The following SFRP1 variants were observed in gnomAD, a reference collection of about 807,000 sequenced individuals.
SFRP1 encodes the protein secreted frizzled related protein 1.
SFRP1 carries 9 observed loss-of-function variants against 25.9 expected under a neutral mutation model. The ratio of observed to expected loss-of-function variants is 0.35; its 90% CI spans 0.21 to 0.61. The LOEUF is 0.61. SFRP1 is among the 20% of genes least tolerant of loss of function. The probability of loss-of-function intolerance (pLI) is 0.78; values close to 1 mark genes in which losing one functional copy is unlikely to be tolerated. For synonymous variants in SFRP1, 178 were observed against 174.0 expected, an observed-to-expected ratio of 1.02 and a Z score of -0.18; for missense variants, 346 against 418.2, an observed-to-expected ratio of 0.83 and a Z score of 1.51.
chr8:41,267,672 C>T (rs1803453901), intron 2 of SFRP1, among the ~76,000 whole-genome samples: 1 of 152,214 alleles, frequency 6.6e-6, no homozygotes, highest in Admixed American at 6.5e-5. Context: ...ATTCTAACAA[C>T]TCCAGGAGGA....
chr8:41,296,506 GA>G (rs33933653), intron 2 of SFRP1, among the ~76,000 whole-genome samples: 1,964 of 125,406 alleles, frequency 0.016, 16 homozygotes, highest in African/African-American at 0.027. Context: ...TGTTCTTCTG[GA>G]AAAAAAAAAA....
intron 2 of SFRP1, among the ~76,000 whole-genome samples, chr8:41,280,126 T>C (rs2117492386): frequency 6.6e-6 from 1 of 152,312 alleles, no homozygotes; most frequent in Non-Finnish European, 1.5e-5. Context: ...AGCGCTGGGC[T>C]TCCCTCCCAA....
At chr8:41,283,236 C>G (rs889927869) in intron 2 of SFRP1, among the ~76,000 whole-genome samples, 6 of 152,112 alleles carry the variant, frequency 3.9e-5, no homozygotes, top group Non-Finnish European at 7.4e-5. Flanking sequence ...AGAATTAGAC[C>G]ACCAGGTAGG....
intron 2 of SFRP1, among the ~76,000 whole-genome samples, chr8:41,276,411 T>C (rs1803572833): frequency 6.6e-6 from 1 of 152,318 alleles, no homozygotes; most frequent in African/African-American, 2.4e-5. Context: ...GAGCTGGCTT[T>C]GCGGCACTAG....
chr8:41,287,160 G>A (rs1369629184), intron 2 of SFRP1, among the ~76,000 whole-genome samples: 1 of 152,176 alleles, frequency 6.6e-6, no homozygotes, highest in East Asian at 1.9e-4. Flanking sequence ...GCACAGCCTT[G>A]GCCCTCACAT....
At chr8:41,289,958 C>G (rs1046278777) in intron 2 of SFRP1, among the ~76,000 whole-genome samples, 1 of 152,380 alleles carries the variant, frequency 6.6e-6, no homozygotes, top group Non-Finnish European at 1.5e-5. Context: ...GACCAAGTCC[C>G]TGGGAAGCCC....
intron 2 of SFRP1, among the ~76,000 whole-genome samples, chr8:41,272,586 G>C (rs1429925418): frequency 6.6e-6 from 1 of 152,196 alleles, no homozygotes; most frequent in Non-Finnish European, 1.5e-5. Flanking sequence ...TCCAGCCTAG[G>C]TGACAGAGCC....
intron 2 of SFRP1, chr8:41,276,815 C>G (rs1451575466): frequency 5.3e-6 from 2 of 378,192 alleles, no homozygotes; most frequent in African/African-American, 2.1e-5. Flanking sequence ...TTTTCTGGAC[C>G]CCAGACACCT....
chr8:41,280,066 C>T (rs1015395519), intron 2 of SFRP1, among the ~76,000 whole-genome samples: 5 of 152,244 alleles, frequency 3.3e-5, no homozygotes, highest in African/African-American at 9.6e-5. Context: ...GCACGAGGTC[C>T]AGTCTGAGCC....
In SFRP1 at chr8:41,264,982, C is replaced by A; in HGVS notation, c.*185G>T. ...CCTTGCTTTACCCGGCCATGGCTAC[C>A]CTGGGGTTTGGAGCGTGGCTATGGA... is the stretch of plus-strand genomic sequence containing the variant. On this transcript the variant is annotated 3_prime_UTR_variant, in exon 3 of 3. Transcript: ENST00000220772. The A allele has an allele frequency of 3.5e-6, 2 of 576,766 alleles. No homozygotes were observed. Among genetic ancestry groups the A allele is most frequent in the South Asian group, 4.7e-5 (2 of 42,420 alleles). 35.7% of individuals were successfully genotyped at this position (576,766 alleles called of 1,614,324 possible).
At chr8:41,300,128 G>A (rs1349306424) in intron 2 of SFRP1, among the ~76,000 whole-genome samples, 2 of 152,226 alleles carry the variant, frequency 1.3e-5, no homozygotes, top group Non-Finnish European at 2.9e-5. Context: ...GCACAGCCAA[G>A]ACATCCTGAA....
At position 41,308,838 on chromosome 8, in the gene SFRP1, C is replaced by G. The variant is rs1804032257; in HGVS notation, c.322G>C (p.Gly108Arg). 1.9e-6 allele frequency: 3 copies of G among 1,610,014 alleles called. No homozygotes were observed. Among genetic ancestry groups the G allele is most frequent in the Non-Finnish European group, 2.5e-6 (3 of 1,179,328 alleles). The change falls in exon 1 of 3, where the codon GGC becomes CGC. Residue 108 changes from glycine (G) to arginine (R), a missense_variant. By Grantham distance (125) the Gly-to-Arg change is moderately radical (BLOSUM62 -2). Transcript: ENST00000220772. ...VPLLNKNCHAGTQVFLCSLFA... is the reference protein window; with the variant it reads ...VPLLNKNCHARTQVFLCSLFA... The stretch of plus-strand genomic sequence containing the variant: ...AGCGAGCAGAGGAAGACCTGGGTGC[C>G]GGCGTGGCAGTTCTTGTTGAGCAGG...
rs994604115 is a variant in SFRP1, at chr8:41,263,369, A to G, written c.*1798T>C. ...GAGAGAACCCCACAAAAAAGGTGTTAAAAGGACAGGATCACTAACTGTGAG... is the reference window on the plus strand; with the variant it reads ...GAGAGAACCCCACAAAAAAGGTGTTGAAAGGACAGGATCACTAACTGTGAG... On this transcript the variant is annotated 3_prime_UTR_variant, in exon 3 of 3. Transcript: ENST00000220772. 6 of 152,344 alleles carry G rather than the reference A, an allele frequency of 3.9e-5. No individual in the cohort carries two copies. The highest frequency in any genetic ancestry group is 7.2e-5 in the African/African-American group (3 of 41,456). 9.4% of individuals were successfully genotyped at this position (152,344 alleles called of 1,614,324 possible). A position where few individuals can be genotyped will look rare whatever the true frequency, so the allele number is the denominator to read the frequency against.
intron 2 of SFRP1, among the ~76,000 whole-genome samples, chr8:41,289,510 C>T (rs936865135): frequency 2.6e-5 from 4 of 152,168 alleles, no homozygotes; most frequent in African/African-American, 4.8e-5. Context: ...GGCGCTGACA[C>T]AGTAGGTGGT....
chr8:41,302,037 T>C (rs1022881708), intron 2 of SFRP1, among the ~76,000 whole-genome samples: 11 of 152,232 alleles, frequency 7.2e-5, no homozygotes, highest in African/African-American at 2.2e-4. Flanking sequence ...CCAACTTCTG[T>C]CTTTTTTAAA....
At chr8:41,267,901 C>T (rs1021870719) in intron 2 of SFRP1, among the ~76,000 whole-genome samples, 5 of 152,198 alleles carry the variant, frequency 3.3e-5, no homozygotes, top group African/African-American at 9.7e-5. Context: ...CAGGGAGGAG[C>T]TCAGACCCTC....
In SFRP1 at chr8:41,265,135, GAGGCT is replaced by G; in HGVS notation, c.*27_*31del. ...TGTCCCCCCCGCTCCCACCCCACCC[GAGGCT>G]CCCTCCCCACCCTGCCCCCGGGAGA... On this transcript the variant is annotated 3_prime_UTR_variant, in exon 3 of 3. Transcript: ENST00000220772. 3.7e-5 allele frequency: 3 copies of G among 81,314 alleles called. No individual in the cohort carries two copies. The highest frequency in any genetic ancestry group is 8.1e-5 in the African/African-American group (1 of 12,396). The allele number at this position is 81,314 out of a possible 1,614,324, so 5.0% of individuals were successfully genotyped here.
intron 2 of SFRP1, among the ~76,000 whole-genome samples, chr8:41,284,207 G>A (rs917163732): frequency 1.3e-5 from 2 of 152,186 alleles, no homozygotes; most frequent in Admixed American, 6.5e-5. Flanking sequence ...GATGGAAGAG[G>A]AGAAGGAGAA....
chr8:41,262,134 C>G lies in SFRP1; in HGVS notation c.*3033G>C, dbSNP rs141428967. On this transcript the variant is annotated 3_prime_UTR_variant, in exon 3 of 3. Transcript: ENST00000220772. ...TGAAATGGAATGTAAAACATTTTCA[C>G]AGTATTCAAAGCTTTTGTAAGAGAC... 1 of 152,600 alleles carries G rather than the reference C, an allele frequency of 6.6e-6. No individual in the cohort carries two copies. Among genetic ancestry groups the G allele is most frequent in the African/African-American group, 2.4e-5 (1 of 41,560 alleles). The allele number at this position is 152,600 out of a possible 1,614,324, so 9.5% of individuals were successfully genotyped here.
Sources: gnomAD v4.1 joint callset for allele counts (sites outside exome capture counted in the v4.1 genomes callset) on GRCh38, gnomAD v4.1.1 for gene constraint, MANE v1.5 for transcripts, NCBI Gene and HGNC (gene_info 2026-07-23, HGNC 2026-07-21) for gene names.